Variants in OPCML observed in about 807,000 individuals in gnomAD.
OPCML encodes opioid-binding protein/cell adhesion molecule.
In OPCML, 13 loss-of-function variants were observed where a neutral mutation model predicts 37.8. The observed-to-expected ratio is 0.34, with a 90% CI of 0.22 to 0.55. The LOEUF is 0.55. Among genes scored for constraint, OPCML ranks in the 20% least tolerant of loss-of-function variants. The pLI is 0.91. For synonymous variants in OPCML, 176 were observed against 168.8 expected, an observed-to-expected ratio of 1.04 and a Z score of -0.33; for missense variants, 341 against 435.6, an observed-to-expected ratio of 0.78 and a Z score of 1.93.
At chr11:132,960,564 T>A (rs1412695862) in intron 1 of OPCML, among the ~76,000 whole-genome samples, 1 of 152,200 alleles carries the variant, frequency 6.6e-6, no homozygotes, top group Admixed American at 6.5e-5. Context: ...CTGCCTCTTC[T>A]GCTCTATTTT....
chr11:133,041,199 A>G (rs1292366810), intron 1 of OPCML, among the ~76,000 whole-genome samples: 1 of 152,224 alleles, frequency 6.6e-6, no homozygotes, highest in Non-Finnish European at 1.5e-5. Flanking sequence ...AATCTGTGTG[A>G]TGAGAAAAAC....
intron 1 of OPCML, among the ~76,000 whole-genome samples, chr11:133,322,776 C>A (rs1169766604): frequency 6.6e-6 from 1 of 152,186 alleles, no homozygotes; most frequent in Non-Finnish European, 1.5e-5. Flanking sequence ...AAACCCTTCT[C>A]AATATGTCCA....
chr11:133,358,670 T>C (rs746484606), intron 1 of OPCML, among the ~76,000 whole-genome samples: 2 of 152,068 alleles, frequency 1.3e-5, no homozygotes, highest in African/African-American at 2.4e-5. Context: ...GAGGTACAAA[T>C]TGGGCAGTGC....
At position 133,290,088 on chromosome 11, in the gene OPCML, A is replaced by T. The variant is rs61912377; in HGVS notation, c.61+242176T>A. On this transcript the variant is annotated intron_variant, in intron 1 of 7. Coordinates refer to ENST00000524381, the MANE Select transcript of OPCML (RefSeq NM_001012393.5). ...ATCTTCTCAAATCTCCTCAAATTCCACAGTGACAAAGGCTGCATGCTTCTG... is the reference window on the plus strand; with the variant it reads ...ATCTTCTCAAATCTCCTCAAATTCCTCAGTGACAAAGGCTGCATGCTTCTG... Among the ~76,000 whole-genome samples the T allele has an allele frequency of 5.7e-4, 86 of 152,110 alleles. 2 individuals carry two copies. In the East Asian group the frequency reaches 0.016, roughly 29 times the overall value.
chr11:132,565,545 A>G (rs1281938916), intron 3 of OPCML, among the ~76,000 whole-genome samples: 1 of 152,182 alleles, frequency 6.6e-6, no homozygotes, highest in Non-Finnish European at 1.5e-5. Flanking sequence ...TCAACCATGT[A>G]TCAGGCTTGA....
chr11:133,191,977 A>G (rs138349385), intron 1 of OPCML, among the ~76,000 whole-genome samples: 8 of 152,304 alleles, frequency 5.3e-5, no homozygotes, highest in African/African-American at 1.4e-4. Context: ...GAAACACTTG[A>G]ACTGTCTGCT....
In OPCML at chr11:133,336,231, G is replaced by A. The variant is rs554901580; in HGVS notation, c.61+196033C>T. 6.6e-5 allele frequency among the ~76,000 whole-genome samples: 10 copies of A among 152,284 alleles called. No individual in the cohort carries two copies. In the South Asian group the frequency reaches 1.5e-3, roughly 22 times the overall value. ...CTAATCCCTTCTGTCTCAGAGCAGC[G>A]TTGGTCTTGGGATCTGGGGGATAAA... On this transcript the variant is annotated intron_variant, in intron 1 of 7. Coordinates refer to ENST00000524381, the MANE Select transcript of OPCML (RefSeq NM_001012393.5).
rs145632759 is a variant in OPCML, at chr11:132,898,435, T to A, written c.146+44491A>T. Reference sequence around the variant, plus strand: ...GGAACTCACCTGACAGCCAAAGAAGTACAGCACTGGGCCCAAGTTCATGGG... The same window carrying A: ...GGAACTCACCTGACAGCCAAAGAAGAACAGCACTGGGCCCAAGTTCATGGG... On this transcript the variant is annotated intron_variant, in intron 2 of 7. Coordinates refer to ENST00000524381, the MANE Select transcript of OPCML (RefSeq NM_001012393.5). 4.2e-3 allele frequency among the ~76,000 whole-genome samples: 646 copies of A among 152,262 alleles called. 6 individuals are homozygous for A. Among genetic ancestry groups the A allele is most frequent in the African/African-American group, 0.015 (603 of 41,542 alleles).
intron 3 of OPCML, among the ~76,000 whole-genome samples, chr11:132,579,720 G>A (rs752078390): frequency 2.6e-5 from 4 of 152,056 alleles, no homozygotes; most frequent in Non-Finnish European, 4.4e-5. Context: ...AAAGACGATC[G>A]AGCTCTGATA....
intron 1 of OPCML, among the ~76,000 whole-genome samples, chr11:133,080,282 G>A (rs577771134): frequency 2.6e-5 from 4 of 152,216 alleles, no homozygotes; most frequent in African/African-American, 7.2e-5. Flanking sequence ...GAGAATGTGG[G>A]TTCAGCTTTG....
chr11:132,671,713 G>A (rs1942483974), intron 2 of OPCML, among the ~76,000 whole-genome samples: 1 of 152,092 alleles, frequency 6.6e-6, no homozygotes, highest in Non-Finnish European at 1.5e-5. Context: ...AAACTTGTAA[G>A]GGTTTAAGAA....
chr11:132,910,531 C>T (rs1211881575), intron 2 of OPCML, among the ~76,000 whole-genome samples: 1 of 152,300 alleles, frequency 6.6e-6, no homozygotes, highest in Non-Finnish European at 1.5e-5. Context: ...ATCCCAGGTG[C>T]GGTGGGGATG....
chr11:133,407,287 T>A (rs908373937), intron 1 of OPCML, among the ~76,000 whole-genome samples: 4 of 152,162 alleles, frequency 2.6e-5, no homozygotes, highest in Admixed American at 2.0e-4. Flanking sequence ...TCCCTGGAGT[T>A]AGGATTAGAG....
intron 1 of OPCML, among the ~76,000 whole-genome samples, chr11:132,951,575 T>A (rs1945862085): frequency 6.6e-6 from 1 of 152,224 alleles, no homozygotes; most frequent in Non-Finnish European, 1.5e-5. Flanking sequence ...CAGTGTTAAG[T>A]GAAATACTGC....
At chr11:133,186,273 A>G (rs931782549) in intron 1 of OPCML, among the ~76,000 whole-genome samples, 1 of 152,182 alleles carries the variant, frequency 6.6e-6, no homozygotes, top group African/African-American at 2.4e-5. Flanking sequence ...TCAGGGATAC[A>G]ATAGAAAGAA....
At chr11:133,119,330 T>C (rs901458955) in intron 1 of OPCML, among the ~76,000 whole-genome samples, 2 of 151,920 alleles carry the variant, frequency 1.3e-5, no homozygotes, top group African/African-American at 4.8e-5. Flanking sequence ...AATATCTATA[T>C]CTTTTCAAAT....
chr11:132,957,485 T>C (rs1445752217), intron 1 of OPCML, among the ~76,000 whole-genome samples: 1 of 152,142 alleles, frequency 6.6e-6, no homozygotes, highest in African/African-American at 2.4e-5. Context: ...TAAATGTATA[T>C]ACTTAAATAT....
chr11:133,422,039 A>C (rs1214774493), intron 1 of OPCML: 1 of 581,722 alleles, frequency 1.7e-6, no homozygotes, highest in African/African-American at 2.1e-5. Flanking sequence ...ACATAGGTGT[A>C]TACGTGCCAT....
At chr11:132,722,045 T>G (rs750559620) in intron 2 of OPCML, among the ~76,000 whole-genome samples, 2 of 125,900 alleles carry the variant, frequency 1.6e-5, no homozygotes, top group Non-Finnish European at 3.2e-5. Context: ...AAGCTCCACC[T>G]CCCAGCTTCA....
Sources: gnomAD v4.1 joint callset for allele counts (sites outside exome capture counted in the v4.1 genomes callset) on GRCh38, gnomAD v4.1.1 for gene constraint, MANE v1.5 for transcripts, NCBI Gene and HGNC (gene_info 2026-07-23, HGNC 2026-07-21) for gene names.